BBX: variants seen among roughly 807,000 people sequenced by gnomAD.
BBX encodes HMG box transcription factor BBX.
Under a neutral mutation model 100.2 loss-of-function variants are expected in BBX, and 30 were observed. The ratio of observed to expected loss-of-function variants is 0.30; its 90% CI spans 0.22 to 0.41. The LOEUF (loss-of-function observed/expected upper bound fraction) is 0.41. Among genes scored for constraint, BBX ranks in the 10% least tolerant of loss-of-function variants. The pLI, the probability that BBX is intolerant of heterozygous loss-of-function variation, is 1.00. For synonymous variants in BBX, 376 were observed against 388.1 expected, an observed-to-expected ratio of 0.97 and a Z score of 0.37; for missense variants, 1,023 against 1,129.8, an observed-to-expected ratio of 0.91 and a Z score of 1.35.
chr3:107,667,068 C>T (rs749434903), intron 3 of BBX, among the ~76,000 whole-genome samples: 12 of 152,312 alleles, frequency 7.9e-5, no homozygotes, highest in Non-Finnish European at 1.8e-4. Flanking sequence ...GCCCAATGTT[C>T]TGTTCAGAGA....
chr3:107,789,362 C>CT (rs1221543540), intron 13 of BBX, among the ~76,000 whole-genome samples: 2 of 152,178 alleles, frequency 1.3e-5, no homozygotes, highest in African/African-American at 2.4e-5. Flanking sequence ...AACTGCTGTC[C>CT]TGAAAGTGCT....
At chr3:107,699,307 TGCATG>T (rs568000890) in intron 3 of BBX, among the ~76,000 whole-genome samples, 26 of 151,400 alleles carry the variant, frequency 1.7e-4, no homozygotes, top group Admixed American at 2.6e-4. Context: ...GAGGTGGGAG[TGCATG>T]GCAAGCTCCG....
At chr3:107,553,723 G>A (rs2049873223) in intron 2 of BBX, among the ~76,000 whole-genome samples, 1 of 152,128 alleles carries the variant, frequency 6.6e-6, no homozygotes, top group Non-Finnish European at 1.5e-5. Context: ...GTCTAGCTGT[G>A]ATTTCTGATT....
intron 16 of BBX, among the ~76,000 whole-genome samples, chr3:107,800,429 C>T (rs987378618): frequency 1.3e-5 from 2 of 152,178 alleles, no homozygotes; most frequent in African/African-American, 4.8e-5. Context: ...TCTATATTTA[C>T]AATTTTTTTA....
At chr3:107,621,153 G>C (rs1559883764) in intron 2 of BBX, among the ~76,000 whole-genome samples, 1 of 152,088 alleles carries the variant, frequency 6.6e-6, no homozygotes, top group African/African-American at 2.4e-5. Flanking sequence ...AAAGTTTTCT[G>C]TCTTGCTATA....
intron 3 of BBX, chr3:107,659,898 AT>A (rs1214024006): frequency 2.4e-6 from 1 of 408,838 alleles, no homozygotes; most frequent in Non-Finnish European, 4.1e-6. Context: ...AATATGACAG[AT>A]TCCCTTCGTT....
At chr3:107,711,061 A>G (rs967379021) in intron 4 of BBX, among the ~76,000 whole-genome samples, 3 of 152,164 alleles carry the variant, frequency 2.0e-5, no homozygotes, top group Admixed American at 6.5e-5. Context: ...ACTTGCCCCC[A>G]GTCTTTGTGA....
chr3:107,719,944 C>T (rs564409502), intron 5 of BBX, among the ~76,000 whole-genome samples: 1 of 152,056 alleles, frequency 6.6e-6, no homozygotes, highest in South Asian at 2.1e-4. Flanking sequence ...TGAACTTCAG[C>T]TAGAACAGAG....
intron 10 of BBX, among the ~76,000 whole-genome samples, chr3:107,764,595 A>G (rs1361992681): frequency 1.3e-5 from 2 of 152,230 alleles, no homozygotes; most frequent in African/African-American, 2.4e-5. Context: ...ACTTCTTTGA[A>G]TGCAGTCACG....
At chr3:107,574,303 TC>T (rs1226498866) in intron 2 of BBX, among the ~76,000 whole-genome samples, 1 of 152,202 alleles carries the variant, frequency 6.6e-6, no homozygotes, top group Non-Finnish European at 1.5e-5. Context: ...AATAGGGGGC[TC>T]CAAACTTAAA....
intron 3 of BBX, among the ~76,000 whole-genome samples, chr3:107,674,360 T>C (rs1400550528): frequency 4.6e-5 from 7 of 152,124 alleles, no homozygotes; most frequent in African/African-American, 1.7e-4. Context: ...CTTCTAATTT[T>C]TCACAGATTA....
chr3:107,608,418 A>G (rs546745521), intron 2 of BBX, among the ~76,000 whole-genome samples: 1 of 151,966 alleles, frequency 6.6e-6, no homozygotes, highest in Admixed American at 6.5e-5. Context: ...ATTCTGTTCT[A>G]TGTCTATGTG....
chr3:107,771,611 T>C (rs998384062), intron 10 of BBX, among the ~76,000 whole-genome samples: 2 of 152,116 alleles, frequency 1.3e-5, no homozygotes, highest in Non-Finnish European at 2.9e-5. Context: ...TTTAAGACTA[T>C]AAAGTTTCAG....
chr3:107,778,685 C>G (rs1450164888), intron 13 of BBX, among the ~76,000 whole-genome samples, 166 bp downstream of exon 13: 2 of 151,730 alleles, frequency 1.3e-5, no homozygotes, highest in Non-Finnish European at 2.9e-5. Flanking sequence ...TTTTTTCTTC[C>G]TTATTTTCTG....
intron 2 of BBX, among the ~76,000 whole-genome samples, chr3:107,564,775 C>A (rs1178387250): frequency 6.6e-6 from 1 of 152,050 alleles, no homozygotes; most frequent in Non-Finnish European, 1.5e-5. Flanking sequence ...AATCCTCTTG[C>A]TATCAGATAG....
intron 3 of BBX, among the ~76,000 whole-genome samples, chr3:107,664,943 G>C (rs1206992527): frequency 6.6e-6 from 1 of 152,084 alleles, no homozygotes; most frequent in Non-Finnish European, 1.5e-5. Flanking sequence ...TTTTGTTTTT[G>C]TTAGCCAATG....
At chr3:107,697,215 G>C (rs374685833) in intron 3 of BBX, among the ~76,000 whole-genome samples, 3 of 151,848 alleles carry the variant, frequency 2.0e-5, no homozygotes, top group African/African-American at 7.3e-5. Context: ...GTCATTCTCC[G>C]TCCAGCTTTG....
At chr3:107,723,636 C>T (rs895054411) in intron 5 of BBX, among the ~76,000 whole-genome samples, 1 of 152,094 alleles carries the variant, frequency 6.6e-6, no homozygotes. Context: ...GTTCAATTCT[C>T]ACCTATGAGT....
intron 3 of BBX, among the ~76,000 whole-genome samples, chr3:107,690,892 C>CTTTTTTT (rs66523709): frequency 3.4e-4 from 14 of 41,192 alleles, no homozygotes; most frequent in East Asian, 9.6e-4. Flanking sequence ...GCCCCCCCCC[C>CTTTTTTT]TTTTTTTTTT....
Sources: allele counts gnomAD v4.1 joint callset (sites outside exome capture counted in the v4.1 genomes callset), GRCh38; gene constraint gnomAD v4.1.1; transcripts MANE v1.5; gene names NCBI Gene and HGNC (gene_info 2026-07-23, HGNC 2026-07-21).